Variants in ST7 observed in about 807,000 individuals in gnomAD.
The protein encoded by ST7 is suppression of tumorigenicity 7.
Under a neutral mutation model 78.7 loss-of-function variants are expected in ST7, and 28 were observed. The ratio of observed to expected loss-of-function variants is 0.36; its 90% confidence interval spans 0.26 to 0.49. The LOEUF (loss-of-function observed/expected upper bound fraction) is 0.49. Among genes scored for constraint, ST7 ranks in the 20% least tolerant of loss-of-function variants. The probability of loss-of-function intolerance (pLI) is 0.99; values close to 1 mark genes in which losing one functional copy is unlikely to be tolerated. For missense variants in ST7, 418 were observed against 696.0 expected (o/e 0.60, Z 4.49); for synonymous variants, 247 against 249.6 (o/e 0.99, Z 0.10).
chr7:117,020,706 T>G (rs1795854866), intron 1 of ST7: 2 of 1,539,594 alleles, frequency 1.3e-6, no homozygotes, highest in East Asian at 4.9e-5. Context: ...AGAGTTCATA[T>G]CACTTTGCCT....
At chr7:117,131,600 A>G (rs1288212621) in intron 5 of ST7, among the ~76,000 whole-genome samples, 2 of 151,938 alleles carry the variant, frequency 1.3e-5, no homozygotes, top group African/African-American at 4.8e-5. Context: ...AACAAATGAC[A>G]TTAATGTGCA....
intron 9 of ST7, among the ~76,000 whole-genome samples, chr7:117,168,388 ACC>A (rs1807727257): frequency 6.6e-6 from 1 of 152,198 alleles, no homozygotes; most frequent in East Asian, 1.9e-4. Flanking sequence ...TTTGATCATT[ACC>A]TGAAGAATTG....
chr7:117,166,298 A>G (rs893573514), intron 9 of ST7, among the ~76,000 whole-genome samples: 2 of 152,126 alleles, frequency 1.3e-5, no homozygotes, highest in Non-Finnish European at 2.9e-5. Flanking sequence ...TGCTTTCTCT[A>G]GTGTAATATT....
At chr7:117,077,759 T>A (rs1389518508) in intron 1 of ST7, among the ~76,000 whole-genome samples, 1 of 152,052 alleles carries the variant, frequency 6.6e-6, no homozygotes, top group African/African-American at 2.4e-5. Context: ...CTGAAAAAAA[T>A]ACCTATGTTA....
chr7:116,977,524 C>A (rs1793758574), intron 1 of ST7, among the ~76,000 whole-genome samples: 1 of 152,128 alleles, frequency 6.6e-6, no homozygotes, highest in Non-Finnish European at 1.5e-5. Context: ...ACAGATCAGT[C>A]CAAGAGTGGT....
intron 1 of ST7, among the ~76,000 whole-genome samples, chr7:117,035,071 A>C (rs1796809406): frequency 6.6e-6 from 1 of 151,440 alleles, no homozygotes; most frequent in Non-Finnish European, 1.5e-5. Flanking sequence ...CATGAGGCCA[A>C]GACCATGTTT....
At chr7:117,218,939 A>G in intron 13 of ST7, 145 bp from the exon 14 acceptor site, 2 of 622,208 alleles carry the variant, frequency 3.2e-6, no homozygotes, top group South Asian at 3.8e-5. Flanking sequence ...CTGACATTTC[A>G]TCTGGCACAT....
At chr7:117,070,551 G>A (rs534390516) in intron 1 of ST7, among the ~76,000 whole-genome samples, 4 of 151,852 alleles carry the variant, frequency 2.6e-5, no homozygotes, top group African/African-American at 9.6e-5. Flanking sequence ...TTGTTTGTTT[G>A]TTTGTTTTTG....
At chr7:117,140,811 C>T (rs149248635) in intron 9 of ST7, among the ~76,000 whole-genome samples, 27 of 152,192 alleles carry the variant, frequency 1.8e-4, no homozygotes, top group Non-Finnish European at 3.2e-4. Context: ...GTATAACAGT[C>T]CTGTAAGGAA....
intron 1 of ST7, among the ~76,000 whole-genome samples, chr7:116,963,975 G>A (rs1792969621): frequency 6.6e-6 from 1 of 152,116 alleles, no homozygotes; most frequent in Non-Finnish European, 1.5e-5. Context: ...GAAATTTTGA[G>A]CAAGGTTGTA....
intron 15 of ST7, among the ~76,000 whole-genome samples, chr7:117,228,161 C>G (rs1458309775): frequency 6.6e-6 from 1 of 152,214 alleles, no homozygotes; most frequent in Non-Finnish European, 1.5e-5. Flanking sequence ...ATATTCCAAG[C>G]ATCCACTGGA....
chr7:117,054,755 A>G (rs1289916420), intron 1 of ST7, among the ~76,000 whole-genome samples: 1 of 152,206 alleles, frequency 6.6e-6, no homozygotes, highest in African/African-American at 2.4e-5. Flanking sequence ...AAAAACAACC[A>G]GTATCTGACA....
At chr7:117,048,019 G>A (rs567655603) in intron 1 of ST7, among the ~76,000 whole-genome samples, 3 of 152,202 alleles carry the variant, frequency 2.0e-5, no homozygotes, top group African/African-American at 4.8e-5. Flanking sequence ...GTCAATCAAC[G>A]CATATTTTGT....
At chr7:117,026,790 G>A (rs1196935585) in intron 1 of ST7, among the ~76,000 whole-genome samples, 2 of 152,200 alleles carry the variant, frequency 1.3e-5, no homozygotes, top group East Asian at 3.8e-4. Flanking sequence ...CTTATCAAGG[G>A]GTGTTTGTGG....
intron 12 of ST7, among the ~76,000 whole-genome samples, chr7:117,193,183 G>A (rs1023765355): frequency 8.0e-6 from 1 of 125,052 alleles, no homozygotes; most frequent in Non-Finnish European, 1.6e-5. Flanking sequence ...ACACACACAC[G>A]GTGCCTTGGA....
intron 12 of ST7, among the ~76,000 whole-genome samples, chr7:117,201,144 C>T (rs952418321): frequency 6.6e-5 from 10 of 152,094 alleles, no homozygotes; most frequent in Admixed American, 3.9e-4. Context: ...CCCTGGCAGA[C>T]TGTCTATGAT....
chr7:116,977,845 G>A lies in ST7; in HGVS notation c.151+24154G>A, dbSNP rs777924575. On this transcript the variant is annotated intron_variant, in intron 1 of 15. Coordinates refer to ENST00000323984, the MANE Select transcript of ST7 (RefSeq NM_001369598.1). ...TGGGATTACAGGCGTGAGCCACCGCGCCCGGCCGAGTGGTGGTATTTTTAA... is the reference window on the plus strand; with the variant it reads ...TGGGATTACAGGCGTGAGCCACCGCACCCGGCCGAGTGGTGGTATTTTTAA... Among the ~76,000 whole-genome samples, 261 of 152,298 alleles carry A rather than the reference G, an allele frequency of 1.7e-3. 4 individuals carry two copies. The highest frequency in any genetic ancestry group is 3.4e-3 in the Middle Eastern group (1 of 294).
intron 9 of ST7, among the ~76,000 whole-genome samples, chr7:117,169,956 C>T (rs1001451598): frequency 6.6e-6 from 1 of 152,092 alleles, no homozygotes; most frequent in African/African-American, 2.4e-5. Flanking sequence ...CAGGCAGAAA[C>T]TCATAAACCT....
intron 12 of ST7, among the ~76,000 whole-genome samples, chr7:117,202,876 C>T (rs193583): frequency 0.64 from 97,253 of 151,294 alleles, 31,866 homozygotes; most frequent in East Asian, 0.92. Context: ...TTTTTCCCCC[C>T]CTCAGTATCT....
Sources: gnomAD v4.1 joint callset for allele counts (sites outside exome capture counted in the v4.1 genomes callset) on GRCh38, gnomAD v4.1.1 for gene constraint, MANE v1.5 for transcripts, NCBI Gene and HGNC (gene_info 2026-07-23, HGNC 2026-07-21) for gene names.